MAP3K5: variants seen among roughly 807,000 people sequenced by gnomAD.
The protein encoded by MAP3K5 is ASK-1.
A neutral mutation model predicts 158.7 loss-of-function variants in MAP3K5; 56 were observed. That is an observed-to-expected ratio of 0.35 (90% CI 0.28 to 0.44). MAP3K5 has a LOEUF of 0.44. MAP3K5 is among the 20% of genes least tolerant of loss of function. The pLI, the probability that MAP3K5 is intolerant of heterozygous loss-of-function variation, is 1.00. For missense variants in MAP3K5, 1,294 were observed against 1,674.8 expected (o/e 0.77, Z 3.97); for synonymous variants, 579 against 601.7 (o/e 0.96, Z 0.55).
intron 14 of MAP3K5, among the ~76,000 whole-genome samples, chr6:136,636,671 G>A (rs184980961): frequency 5.9e-5 from 9 of 152,252 alleles, no homozygotes; most frequent in East Asian, 1.9e-4. Flanking sequence ...AGTCGGGTGC[G>A]GTGGCTCACG....
At chr6:136,558,625 G>C (rs562600052) in intron 29 of MAP3K5, among the ~76,000 whole-genome samples, 175 bp downstream of exon 29, 1 of 152,162 alleles carries the variant, frequency 6.6e-6, no homozygotes, top group South Asian at 2.1e-4. Flanking sequence ...TTGGTTATTA[G>C]AGCCCTCAAA....
At chr6:136,589,644 G>A (rs541876912) in intron 23 of MAP3K5, among the ~76,000 whole-genome samples, 4 of 152,252 alleles carry the variant, frequency 2.6e-5, no homozygotes, top group African/African-American at 7.2e-5. Flanking sequence ...AAGTGAGGTC[G>A]TAAGGGTGGG....
intron 14 of MAP3K5, among the ~76,000 whole-genome samples, chr6:136,635,942 AT>A (rs1777613489): frequency 6.6e-6 from 1 of 152,154 alleles, no homozygotes; most frequent in Admixed American, 6.5e-5. Flanking sequence ...TACCTTACTA[AT>A]TCAGTGTTTC....
chr6:136,789,455 T>C (rs962604509), intron 1 of MAP3K5, among the ~76,000 whole-genome samples: 1 of 152,136 alleles, frequency 6.6e-6, no homozygotes, highest in Non-Finnish European at 1.5e-5. Flanking sequence ...GGGGTTAAAC[T>C]GAGACCTGTC....
intron 11 of MAP3K5, among the ~76,000 whole-genome samples, chr6:136,647,005 T>C (rs982527834): frequency 7.2e-5 from 11 of 152,250 alleles, no homozygotes; most frequent in Non-Finnish European, 1.6e-4. Flanking sequence ...TTGAGTCACC[T>C]TACACTTACT....
intron 2 of MAP3K5, among the ~76,000 whole-genome samples, chr6:136,709,697 A>G (rs1781228013): frequency 6.6e-6 from 1 of 152,202 alleles, no homozygotes; most frequent in South Asian, 2.1e-4. Flanking sequence ...TGTCTCCTCC[A>G]TCTTCATTTC....
At chr6:136,783,851 G>A (rs1238218086) in intron 1 of MAP3K5, among the ~76,000 whole-genome samples, 1 of 152,102 alleles carries the variant, frequency 6.6e-6, no homozygotes, top group Non-Finnish European at 1.5e-5. Context: ...AAGCAGGCAC[G>A]GTTGGTACCT....
intron 21 of MAP3K5, among the ~76,000 whole-genome samples, chr6:136,597,716 T>C (rs17796516): frequency 0.094 from 14,332 of 152,236 alleles, 1,431 homozygotes; most frequent in East Asian, 0.3. Flanking sequence ...CCTAGTGCCT[T>C]GTGCCTACAT....
chr6:136,651,121 T>C (rs1242589413), intron 10 of MAP3K5, 30 bp from the exon 11 acceptor site: 2 of 1,245,604 alleles, frequency 1.6e-6, no homozygotes, highest in Admixed American at 3.7e-5. Context: ...GAAACTAATA[T>C]CAGTGACTTA....
intron 25 of MAP3K5, among the ~76,000 whole-genome samples, chr6:136,575,764 A>G (rs895053150): frequency 6.6e-6 from 1 of 152,188 alleles, no homozygotes; most frequent in African/African-American, 2.4e-5. Flanking sequence ...TTCTCAGGGC[A>G]TCCTATCAGG....
chr6:136,639,519 T>C (rs746124267), intron 13 of MAP3K5, 24 bp downstream of exon 13: 2 of 1,347,472 alleles, frequency 1.5e-6, no homozygotes, highest in African/African-American at 2.9e-5. Context: ...AGAATCTTTT[T>C]CACACACAAT....
chr6:136,580,489 T>C (rs1774822127), intron 24 of MAP3K5, 83 bp from the exon 25 acceptor site: 1 of 767,384 alleles, frequency 1.3e-6, no homozygotes, highest in South Asian at 1.8e-5. Flanking sequence ...TGAAGTTCCA[T>C]TTACAAAACA....
Position 136,651,000 on chromosome 6 carries a change from A to G in MAP3K5, c.1772T>C (p.Val591Ala). The change falls in exon 11 of 30, where the codon GTG (valine) becomes GCG (alanine). Residue 591 changes from valine (V) to alanine (A), a missense_variant. Around this residue, in one of 5 missense-constraint regions of MAP3K5, gnomAD observed 690 missense variants for 870.5 expected, o/e 0.79. Transcript: ENST00000359015. ...ACAATTTACCTTGTCATCAGGAAGC[A>G]CGTGCCAAATAGAGATTGTCTTTTC... is the stretch of plus-strand genomic sequence containing the variant. ...VEEKTISIWH[V>A]LPDDKKGIHE... 1 of 1,609,794 alleles carries G rather than the reference A, an allele frequency of 6.2e-7. No homozygotes were observed. The highest frequency in any genetic ancestry group is 8.5e-7 in the Non-Finnish European group (1 of 1,176,798).
intron 14 of MAP3K5, among the ~76,000 whole-genome samples, chr6:136,625,078 G>T (rs530193391): frequency 6.6e-6 from 1 of 152,338 alleles, no homozygotes; most frequent in South Asian, 2.1e-4. Context: ...AACTCCTGCA[G>T]CCCAAAGGGT....
intron 3 of MAP3K5, among the ~76,000 whole-genome samples, chr6:136,700,487 A>G (rs1364741553): frequency 6.6e-6 from 1 of 152,242 alleles, no homozygotes; most frequent in African/African-American, 2.4e-5. Context: ...AGAATTCAGA[A>G]AGCAGAACCA....
intron 4 of MAP3K5, among the ~76,000 whole-genome samples, chr6:136,698,267 G>T (rs970838645): frequency 2.9e-4 from 44 of 152,202 alleles, no homozygotes; most frequent in African/African-American, 9.6e-4. Flanking sequence ...ACTATAAAGC[G>T]GTTAGTAGAC....
Position 136,627,650 on chromosome 6 carries a change from T to G in MAP3K5, c.2017-4669A>C, listed in dbSNP as rs1777104146. ...ATGAAAGAGGCTTGAAGGAGCCTGG[T>G]TGAGCCTTCAGCCATGTGAGCACCC... On this transcript the variant is annotated intron_variant, in intron 14 of 29. Coordinates refer to ENST00000359015, the MANE Select transcript of MAP3K5 (RefSeq NM_005923.4). Among the ~76,000 whole-genome samples, 5 of 152,218 alleles carry G rather than the reference T, an allele frequency of 3.3e-5. No individual in the cohort carries two copies. The South Asian group carries it at 8.3e-4, about 25-fold the overall frequency.
At chr6:136,754,103 T>C (rs1260292024) in intron 1 of MAP3K5, among the ~76,000 whole-genome samples, 3 of 150,718 alleles carry the variant, frequency 2.0e-5, no homozygotes, top group African/African-American at 7.3e-5. Flanking sequence ...TGAAACCCCA[T>C]CTCTACTAAA....
chr6:136,648,463 G>GT (rs1327233141), intron 11 of MAP3K5, among the ~76,000 whole-genome samples: 1 of 152,118 alleles, frequency 6.6e-6, no homozygotes, highest in South Asian at 2.1e-4. Context: ...ATGCTGCTCG[G>GT]TATTGCTCAG....
Sources: gnomAD v4.1 joint callset for allele counts (sites outside exome capture counted in the v4.1 genomes callset) on GRCh38, gnomAD v4.1.1 for gene constraint, gnomAD v4.1.1 regional missense constraint, MANE v1.5 for transcripts, NCBI Gene and HGNC (gene_info 2026-07-23, HGNC 2026-07-21) for gene names.